Variants in SEMA6D observed in about 807,000 individuals in gnomAD.
SEMA6D encodes the protein semaphorin 6D.
SEMA6D carries 35 observed loss-of-function variants against 106.6 expected under a neutral mutation model. The ratio of observed to expected loss-of-function variants is 0.33; its 90% CI spans 0.25 to 0.44. The LOEUF is 0.44. Ranked by LOEUF, SEMA6D falls within the 20% of genes least tolerant of loss-of-function variation. The pLI is 1.00. For synonymous variants in SEMA6D, 499 were observed against 487.7 expected (o/e 1.02, Z -0.31); for missense variants, 1,185 against 1,345.9 (o/e 0.88, Z 1.87).
chr15:47,349,700 A>G (rs144590391), intron 1 of SEMA6D, among the ~76,000 whole-genome samples: 1 of 151,356 alleles, frequency 6.6e-6, no homozygotes, highest in Admixed American at 6.7e-5. Context: ...TTATAAAAAA[A>G]TATGGATCTA....
chr15:47,718,129 A>G (rs1416206970), intron 1 of SEMA6D, among the ~76,000 whole-genome samples: 1 of 152,198 alleles, frequency 6.6e-6, no homozygotes, highest in Non-Finnish European at 1.5e-5. Flanking sequence ...AGCTGGGGTT[A>G]GCAGGGGTTG....
At chr15:47,648,212 G>A (rs1298744390) in intron 4 of SEMA6D, among the ~76,000 whole-genome samples, 1 of 152,124 alleles carries the variant, frequency 6.6e-6, no homozygotes, top group Non-Finnish European at 1.5e-5. Context: ...ATGCCAGCCA[G>A]GGCCACTGTC....
intron 2 of SEMA6D, among the ~76,000 whole-genome samples, chr15:47,422,328 A>G (rs2041198399): frequency 6.6e-6 from 1 of 151,996 alleles, no homozygotes; most frequent in South Asian, 2.1e-4. Flanking sequence ...GTGATGAAGT[A>G]TGTACAATGA....
At position 47,294,288 on chromosome 15, in the gene SEMA6D, A is replaced by G. The variant is rs952872392; in HGVS notation, c.-239+109870A>G. ...CTCTGTCGCCCAGTGCAGTGGTGCAATCTCAGCTCACTGCAACCTCTACCT... is the reference window on the plus strand; with the variant it reads ...CTCTGTCGCCCAGTGCAGTGGTGCAGTCTCAGCTCACTGCAACCTCTACCT... On this transcript the variant is annotated intron_variant, in intron 1 of 19. Coordinates refer to the SEMA6D transcript ENST00000558014. Among the ~76,000 whole-genome samples the G allele has an allele frequency of 4.0e-5, 6 of 151,456 alleles. No homozygotes were observed. The South Asian group carries it at 8.3e-4, about 21-fold the overall frequency.
intron 4 of SEMA6D, among the ~76,000 whole-genome samples, chr15:47,665,740 G>A (rs188791638): frequency 6.6e-6 from 1 of 152,210 alleles, no homozygotes; most frequent in Non-Finnish European, 1.5e-5. Context: ...AACCCAGGAG[G>A]TGGAGGTTGC....
chr15:47,652,628 G>A (rs941028640), intron 4 of SEMA6D, among the ~76,000 whole-genome samples: 6 of 152,174 alleles, frequency 3.9e-5, no homozygotes, highest in African/African-American at 9.7e-5. Flanking sequence ...TCCACTTCAC[G>A]TATAGACTGC....
intron 9 of SEMA6D, 109 bp downstream of exon 9, chr15:47,763,213 G>A: frequency 1.3e-6 from 1 of 757,666 alleles, no homozygotes; most frequent in Admixed American, 2.9e-5. Flanking sequence ...TCTCAATTCA[G>A]TATACATAGG....
At chr15:47,368,980 A>C (rs1444641633) in intron 1 of SEMA6D, among the ~76,000 whole-genome samples, 1 of 152,232 alleles carries the variant, frequency 6.6e-6, no homozygotes, top group Non-Finnish European at 1.5e-5. Flanking sequence ...TTAATCTACA[A>C]GTAACTTGAA....
intron 1 of SEMA6D, among the ~76,000 whole-genome samples, chr15:47,351,831 A>G (rs1442464840): frequency 1.3e-5 from 2 of 152,228 alleles, no homozygotes; most frequent in African/African-American, 4.8e-5. Context: ...CCTTTCATAT[A>G]TTCTTTTATA....
chr15:47,524,365 C>T (rs1299873572), intron 3 of SEMA6D, among the ~76,000 whole-genome samples: 2 of 152,178 alleles, frequency 1.3e-5, no homozygotes, highest in Non-Finnish European at 2.9e-5. Context: ...TGTGTTTCCA[C>T]TTGCCTGCAT....
At chr15:47,265,359 A>G (rs1234159639) in intron 1 of SEMA6D, among the ~76,000 whole-genome samples, 4 of 151,834 alleles carry the variant, frequency 2.6e-5, no homozygotes, top group African/African-American at 9.7e-5. Context: ...CTATGATTGT[A>G]TCCATTTTAT....
At chr15:47,350,414 G>T (rs1409492702) in intron 1 of SEMA6D, among the ~76,000 whole-genome samples, 40 of 152,136 alleles carry the variant, frequency 2.6e-4, no homozygotes, top group Admixed American at 2.6e-3. Flanking sequence ...GATACTCAAG[G>T]TATTCTGTTA....
chr15:47,735,264 A>G (rs2080376988), intron 1 of SEMA6D, among the ~76,000 whole-genome samples: 1 of 152,210 alleles, frequency 6.6e-6, no homozygotes, highest in African/African-American at 2.4e-5. Flanking sequence ...TTACATGACA[A>G]CAATAACTTT....
intron 3 of SEMA6D, among the ~76,000 whole-genome samples, chr15:47,564,292 A>T (rs1407561099): frequency 2.6e-5 from 4 of 152,178 alleles, no homozygotes; most frequent in Non-Finnish European, 5.9e-5. Context: ...AAGTGGTGGT[A>T]TTGAAGGTTG....
chr15:47,519,586 A>G (rs1274043748), intron 3 of SEMA6D, among the ~76,000 whole-genome samples: 1 of 152,188 alleles, frequency 6.6e-6, no homozygotes, highest in African/African-American at 2.4e-5. Context: ...TCAGCAATAA[A>G]TCATTGTTCA....
chr15:47,371,805 T>A (rs112016821), intron 1 of SEMA6D, among the ~76,000 whole-genome samples: 1 of 152,244 alleles, frequency 6.6e-6, no homozygotes, highest in Admixed American at 6.5e-5. Flanking sequence ...ATGATCATCA[T>A]AGAAAATATT....
At chr15:47,599,567 G>C (rs2076603948) in intron 3 of SEMA6D, among the ~76,000 whole-genome samples, 1 of 151,874 alleles carries the variant, frequency 6.6e-6, no homozygotes, top group African/African-American at 2.4e-5. Flanking sequence ...TTGGAACTAA[G>C]GCAAAGAACC....
At chr15:47,720,107 A>C (rs2079328420) in intron 1 of SEMA6D, among the ~76,000 whole-genome samples, 1 of 152,124 alleles carries the variant, frequency 6.6e-6, no homozygotes, top group Admixed American at 6.5e-5. Flanking sequence ...TAAATAGATA[A>C]CCCTAAGGCT....
intron 2 of SEMA6D, among the ~76,000 whole-genome samples, chr15:47,436,725 G>C (rs1170525619): frequency 3.4e-5 from 5 of 146,500 alleles, no homozygotes; most frequent in African/African-American, 1.3e-4. Context: ...GAGGCCAGGA[G>C]TTTGAAAACA....
Sources: gnomAD v4.1 joint callset for allele counts (sites outside exome capture counted in the v4.1 genomes callset) on GRCh38, gnomAD v4.1.1 for gene constraint, MANE v1.5 for transcripts, NCBI Gene and HGNC (gene_info 2026-07-23, HGNC 2026-07-21) for gene names.